CFAP46: variants seen among roughly 807,000 people sequenced by gnomAD.
The protein encoded by CFAP46 is cilia- and flagella-associated protein 46.
Under a neutral mutation model 325.7 loss-of-function variants are expected in CFAP46, and 245 were observed. The observed-to-expected ratio is 0.75, with a 90% CI of 0.68 to 0.84. CFAP46 has a LOEUF of 0.84. Ranked by LOEUF, CFAP46 falls within the 40% of genes least tolerant of loss-of-function variation. CFAP46 has a pLI of 0.00. For synonymous variants in CFAP46, 1,523 were observed against 1,495.9 expected, an observed-to-expected ratio of 1.02 and a Z score of -0.42; for missense variants, 3,346 against 3,543.0, an observed-to-expected ratio of 0.94 and a Z score of 1.41.
intron 22 of CFAP46, among the ~76,000 whole-genome samples, chr10:132,905,009 C>T (rs1359500004): frequency 1.3e-5 from 2 of 152,226 alleles, no homozygotes; most frequent in African/African-American, 2.4e-5. Context: ...CTGGTCCCCA[C>T]TGTGACCCTG....
chr10:132,927,550 C>T (rs902457743), intron 9 of CFAP46, among the ~76,000 whole-genome samples: 8 of 152,224 alleles, frequency 5.3e-5, no homozygotes, highest in Non-Finnish European at 7.3e-5. Context: ...CCACCCCAGG[C>T]TGTGTGCCCC....
In CFAP46 at chr10:132,887,315, CCT is replaced by C. The variant is rs202206334; in HGVS notation, c.3305-1358_3305-1357del. ...TTCTTTCCTCTCCCCTCTTCTCTCC[CCT>C]CTCTCCTCTCTCGCTTCTCTCTCTC... On this transcript the variant is annotated intron_variant, in intron 25 of 57. Transcript: ENST00000368586. Among the ~76,000 whole-genome samples the C allele has an allele frequency of 2.2e-3, 214 of 99,486 alleles. 17 individuals are homozygous for C. The highest frequency in any genetic ancestry group is 0.011 in the African/African-American group (171 of 15,324). 65.3% of individuals were successfully genotyped at this position (99,486 alleles called of 152,430 possible).
chr10:132,857,907 G>T, intron 38 of CFAP46, 119 bp from the exon 39 acceptor site: 2 of 905,882 alleles, frequency 2.2e-6, no homozygotes, highest in Non-Finnish European at 1.6e-6. Context: ...TTTTAAAATA[G>T]CTAACATGTA....
rs549510469 is a variant in CFAP46 at position 132,919,777 on chromosome 10, C to T, written c.1730+282G>A. The stretch of plus-strand genomic sequence containing the variant: ...AGGGTCGGTACCAAAAATCAGCCTG[C>T]TCTGGTCACAGGCGCTGCGTGTCCT... On this transcript the variant is annotated intron_variant, in intron 14 of 57. Transcript: ENST00000368586. The surrounding 1 kb of genome is among the most constrained non-coding windows in gnomAD (Gnocchi z 9.7). 7.2e-5 allele frequency among the ~76,000 whole-genome samples: 11 copies of T among 152,230 alleles called. No homozygotes were observed. Among genetic ancestry groups the T allele is most frequent in the African/African-American group, 2.4e-4 (10 of 41,538 alleles).
chr10:132,815,255 C>T (rs1387680811), intron 50 of CFAP46, among the ~76,000 whole-genome samples: 1 of 152,230 alleles, frequency 6.6e-6, no homozygotes, highest in African/African-American at 2.4e-5. Context: ...GGATTTACAA[C>T]CTGCCCCTTT....
chr10:132,900,867 A>C (rs998031916), intron 22 of CFAP46, among the ~76,000 whole-genome samples: 1 of 152,214 alleles, frequency 6.6e-6, no homozygotes, highest in Admixed American at 6.5e-5. Flanking sequence ...GGAATGTTAA[A>C]ATCTACAGCT....
intron 50 of CFAP46, among the ~76,000 whole-genome samples, chr10:132,816,903 G>T (rs10870334): frequency 6.6e-6 from 1 of 152,106 alleles, no homozygotes; most frequent in East Asian, 1.9e-4. Context: ...GATGCGGGCC[G>T]TCTGCCTGTG....
At chr10:132,932,050 G>A (rs551618929) in intron 8 of CFAP46, among the ~76,000 whole-genome samples, 1 of 122,190 alleles carries the variant, frequency 8.2e-6, no homozygotes, top group African/African-American at 3.3e-5. Context: ...ACAAAGCCTG[G>A]GCCTTCCTGC....
intron 41 of CFAP46, among the ~76,000 whole-genome samples, chr10:132,848,741 C>T (rs953365815): frequency 2.0e-5 from 3 of 152,194 alleles, no homozygotes; most frequent in Non-Finnish European, 4.4e-5. Context: ...CCACTCGGGC[C>T]CCCTCTCCGC....
chr10:132,823,054 CTGTGA>C (rs1847915988), intron 50 of CFAP46, among the ~76,000 whole-genome samples: 1 of 96,696 alleles, frequency 1.0e-5, no homozygotes, highest in African/African-American at 4.1e-5. Context: ...GTGCTGTGTG[CTGTGA>C]GTGCTGATGT....
Position 132,860,846 on chromosome 10 carries a change from T to C in CFAP46, c.5027A>G (p.Tyr1676Cys). Residue 1676 changes from tyrosine (Y) to cysteine (C), a missense_variant, in exon 36 of 58, where the codon TAC (tyrosine) becomes TGC (cysteine). Coordinates refer to ENST00000368586, the MANE Select transcript of CFAP46 (RefSeq NM_001200049.3). ...CTCTGCCAGGGTCAGAGTGGAATTG[T>C]ACCAGAACTCCTCACTTCCGCCCAG... ...QHLGGSEEFW[Y>C]NSTLTLAEAL... 6.4e-7 allele frequency: 1 copy of C among 1,551,096 alleles called. No homozygotes were observed. The highest frequency in any genetic ancestry group is 8.7e-7 in the Non-Finnish European group (1 of 1,147,086).
chr10:132,912,726 A>G lies in CFAP46; in HGVS notation c.2428T>C (p.Phe810Leu). 1 of 1,550,114 alleles carries G rather than the reference A, an allele frequency of 6.5e-7. No individual in the cohort carries two copies. Among genetic ancestry groups the G allele is most frequent in the South Asian group, 1.2e-5 (1 of 84,046 alleles). Residue 810 changes from phenylalanine to leucine, a missense_variant, in exon 19 of 58, where the codon TTC (phenylalanine) becomes CTC (leucine). Coordinates refer to ENST00000368586, the MANE Select transcript of CFAP46 (RefSeq NM_001200049.3). ...PVQAAEKSRK[F>L]MRPNAFHSPL... ...CTGTGAAACGCGTTTGGTCGCATGA[A>G]TTTCCTGGACTTCTCGGCAGCCTGG...
In CFAP46 at chr10:132,922,316, C is replaced by T. The variant is rs939344096; in HGVS notation, c.1486-92G>A. On this transcript the variant is annotated intron_variant, in intron 12 of 57. Transcript: ENST00000368586. ...GGAGCCTCCTGGCCTTTGGCAGGGGCCTGTGTGGTCCTCGTGCTCATAGAC... is the reference window on the plus strand; with the variant it reads ...GGAGCCTCCTGGCCTTTGGCAGGGGTCTGTGTGGTCCTCGTGCTCATAGAC... The T allele has an allele frequency of 3.4e-5, 50 of 1,484,586 alleles. No individual in the cohort carries two copies. The African/African-American group carries it at 6.7e-4, about 20-fold the overall frequency. The allele number at this position is 1,484,586 out of a possible 1,614,324, so 92.0% of individuals were successfully genotyped here.
rs191203566 is a variant in CFAP46 at position 132,884,256 on chromosome 10, G to A, written c.3627+847C>T. ...CCGGAGCGAGGAGCAGTGGCTCCCTGTGGCTCCCCACGGTGGTACCCAGGC... is the reference window on the plus strand; with the variant it reads ...CCGGAGCGAGGAGCAGTGGCTCCCTATGGCTCCCCACGGTGGTACCCAGGC... On this transcript the variant is annotated intron_variant, in intron 27 of 57. Coordinates refer to ENST00000368586, the MANE Select transcript of CFAP46 (RefSeq NM_001200049.3). This position sits in a 1 kb window ranked among gnomAD's most constrained non-coding sequence, Gnocchi z 5.4. Among the ~76,000 whole-genome samples the A allele has an allele frequency of 1.2e-3, 179 of 152,254 alleles. 2 individuals carry two copies. The highest frequency in any genetic ancestry group is 4.1e-3 in the African/African-American group (171 of 41,544).
rs1032126335 is a variant in CFAP46 at position 132,919,413 on chromosome 10, A to G, written c.1760T>C (p.Val587Ala). 1 of 1,550,042 alleles carries G rather than the reference A, an allele frequency of 6.5e-7. No homozygotes were observed. The highest frequency in any genetic ancestry group is 1.4e-5 in the African/African-American group (1 of 73,040). Residue 587 changes from valine (V) to alanine (A), a missense_variant, in exon 15 of 58, where the codon GTG becomes GCG. By Grantham distance (64) the Val-to-Ala change is moderately conservative. Coordinates refer to ENST00000368586, the MANE Select transcript of CFAP46 (RefSeq NM_001200049.3). The surrounding 1 kb of genome is among the most constrained non-coding windows in gnomAD (Gnocchi z 9.7). ...GTCCCACACGCCTTGTTTCCGGGCC[A>G]CTTTGGCCAGCTCTGCCCAAATCTG... ...RIQIWAELAK[V>A]ARKQGVWDVC...
Position 132,912,968 on chromosome 10 carries a change from C to T in CFAP46, c.2333+78G>A, listed in dbSNP as rs1180458334. 2.0e-5 allele frequency: 30 copies of T among 1,506,652 alleles called. No individual in the cohort carries two copies. The Middle Eastern group carries it at 9.4e-4, about 47-fold the overall frequency. 93.3% of individuals were successfully genotyped at this position (1,506,652 alleles called of 1,614,324 possible). ...CTGGGACACAGAGGGCCATGGAGTG[C>T]AGCTGCCTGCCTTTGCTCTGGGGTC... is the stretch of plus-strand genomic sequence containing the variant. On this transcript the variant is annotated intron_variant, in intron 18 of 57. Transcript: ENST00000368586.
chr10:132,923,280 G>A (rs1472183254), intron 11 of CFAP46, among the ~76,000 whole-genome samples: 2 of 146,556 alleles, frequency 1.4e-5, no homozygotes, highest in Non-Finnish European at 3.0e-5. Context: ...GAGCAGCCAT[G>A]TGGGGGTGCC....
chr10:132,808,566 C>T lies in CFAP46; in HGVS notation c.8003G>A (p.Cys2668Tyr). 6.2e-7 allele frequency: 1 copy of T among 1,612,926 alleles called. No individual in the cohort carries two copies. Among genetic ancestry groups the T allele is most frequent in the Non-Finnish European group, 8.5e-7 (1 of 1,179,902 alleles). The stretch of plus-strand genomic sequence containing the variant: ...ACGCAGACCCCATGGCGCACACAGG[C>T]AGGCAGAGCTCGAGGTCCAGGCGGC... ...KAAAWTSSSA[C>Y]LCAPWGLRRG... The change falls in exon 58 of 58, where the codon TGC becomes TAC. Residue 2668 changes from cysteine to tyrosine, a missense_variant. By Grantham distance (194) the Cys-to-Tyr change is radical. Coordinates refer to ENST00000368586, the MANE Select transcript of CFAP46 (RefSeq NM_001200049.3). The surrounding 1 kb of genome is among the most constrained non-coding windows in gnomAD (Gnocchi z 6.8).
At chr10:132,848,917 T>C (rs1016107806) in intron 41 of CFAP46, among the ~76,000 whole-genome samples, 2 of 151,990 alleles carry the variant, frequency 1.3e-5, no homozygotes, top group Non-Finnish European at 2.9e-5. Context: ...GTATCAAAAC[T>C]TGGGAGACTA....
Sources: gnomAD v4.1 joint callset for allele counts (sites outside exome capture counted in the v4.1 genomes callset) on GRCh38, gnomAD v4.1.1 for gene constraint, Gnocchi (gnomAD v3.1) non-coding constraint, MANE v1.5 for transcripts, NCBI Gene and HGNC (gene_info 2026-07-23, HGNC 2026-07-21) for gene names.